Variants in CENPP observed in about 807,000 individuals in gnomAD.
CENPP encodes centromere protein P.
CENPP carries 24 observed loss-of-function variants against 35.6 expected under a neutral mutation model. The ratio of observed to expected loss-of-function variants is 0.67; its 90% CI spans 0.49 to 0.95. The LOEUF (loss-of-function observed/expected upper bound fraction) is 0.95. Among genes scored for constraint, CENPP ranks in the 40% least tolerant of loss-of-function variants. The pLI, the probability that CENPP is intolerant of heterozygous loss-of-function variation, is 0.00. For synonymous variants in CENPP, 120 were observed against 125.5 expected, an observed-to-expected ratio of 0.96 and a Z score of 0.29; for missense variants, 332 against 345.3, an observed-to-expected ratio of 0.96 and a Z score of 0.31.
chr9:92,334,732 T>G (rs963383853), intron 2 of CENPP, among the ~76,000 whole-genome samples: 2 of 150,458 alleles, frequency 1.3e-5, no homozygotes, highest in African/African-American at 4.9e-5. Flanking sequence ...ATACAACAAT[T>G]AGCTAGGCAT....
intron 5 of CENPP, among the ~76,000 whole-genome samples, chr9:92,426,130 G>A (rs191600070): frequency 3.3e-5 from 5 of 152,270 alleles, no homozygotes; most frequent in Admixed American, 2.0e-4. Context: ...GGCAAGGGAT[G>A]GGGATGGGGG....
chr9:92,553,622 C>A (rs1849661057), intron 5 of CENPP, among the ~76,000 whole-genome samples: 1 of 152,054 alleles, frequency 6.6e-6, no homozygotes, highest in Non-Finnish European at 1.5e-5. Flanking sequence ...GGTCTTTCGA[C>A]TCCTTGGTTA....
At chr9:92,484,828 T>C (rs535144005) in intron 5 of CENPP, among the ~76,000 whole-genome samples, 1 of 152,358 alleles carries the variant, frequency 6.6e-6, no homozygotes, top group East Asian at 1.9e-4. Context: ...AGGCAGTTCC[T>C]GTAAGATTGT....
At chr9:92,390,998 C>T (rs901015314) in intron 5 of CENPP, among the ~76,000 whole-genome samples, 1 of 152,156 alleles carries the variant, frequency 6.6e-6, no homozygotes, top group South Asian at 2.1e-4. Flanking sequence ...GGTGTGGTGG[C>T]TTATGCCTGT....
At chr9:92,441,938 G>T (rs530996584) in intron 5 of CENPP, among the ~76,000 whole-genome samples, 41 of 152,166 alleles carry the variant, frequency 2.7e-4, no homozygotes, top group South Asian at 8.3e-4. Context: ...TTTTGGTATG[G>T]TAATTGTATT....
At chr9:92,620,529 AG>A (rs1403600813), downstream of CENPP, 2 of 152,244 alleles carry the variant, frequency 1.3e-5, no homozygotes, top group African/African-American at 4.8e-5. Flanking sequence ...GTAAAAGAAA[AG>A]GAATTGGGCC....
intron 5 of CENPP, among the ~76,000 whole-genome samples, chr9:92,596,939 C>T (rs1850799833): frequency 6.6e-6 from 1 of 152,018 alleles, no homozygotes; most frequent in Non-Finnish European, 1.5e-5. Flanking sequence ...AAAAAGTGAG[C>T]AAATTTTTAG....
At chr9:92,578,741 T>G (rs922934910) in intron 5 of CENPP, among the ~76,000 whole-genome samples, 2 of 151,972 alleles carry the variant, frequency 1.3e-5, no homozygotes, top group African/African-American at 2.4e-5. Context: ...TTTCTCCCAT[T>G]CTGTAGGTTG....
At chr9:92,605,637 A>T (rs1851057453) in intron 5 of CENPP, among the ~76,000 whole-genome samples, 2 of 152,208 alleles carry the variant, frequency 1.3e-5, no homozygotes, top group African/African-American at 4.8e-5. Flanking sequence ...CACCATATAT[A>T]AAAATTAACT....
chr9:92,558,768 G>T (rs1359254742), intron 5 of CENPP, among the ~76,000 whole-genome samples: 1 of 152,052 alleles, frequency 6.6e-6, no homozygotes, highest in Non-Finnish European at 1.5e-5. Flanking sequence ...GTGGGGACAG[G>T]GCTAGGTGTG....
At chr9:92,513,643 G>T (rs973049932) in intron 5 of CENPP, among the ~76,000 whole-genome samples, 1 of 152,178 alleles carries the variant, frequency 6.6e-6, no homozygotes, top group Non-Finnish European at 1.5e-5. Context: ...AAAACAAAAT[G>T]GGTGGCTTTC....
chr9:92,478,190 C>A (rs1296775552), intron 5 of CENPP, among the ~76,000 whole-genome samples: 1 of 151,776 alleles, frequency 6.6e-6, no homozygotes, highest in Admixed American at 6.6e-5. Flanking sequence ...ACAGAATTTT[C>A]TTTGCTTTAT....
intron 5 of CENPP, chr9:92,470,714 A>T: frequency 6.3e-7 from 1 of 1,597,440 alleles, no homozygotes; most frequent in Non-Finnish European, 8.5e-7. Flanking sequence ...TGATTTCCTT[A>T]ATTTTATTGT....
At chr9:92,506,340 C>T (rs1847005888) in intron 5 of CENPP, among the ~76,000 whole-genome samples, 1 of 152,268 alleles carries the variant, frequency 6.6e-6, no homozygotes, top group East Asian at 1.9e-4. Context: ...AAAAATTCTC[C>T]ATGCATTCAG....
intron 4 of CENPP, among the ~76,000 whole-genome samples, chr9:92,346,006 T>A (rs1269001854): frequency 1.3e-5 from 2 of 152,152 alleles, no homozygotes; most frequent in Non-Finnish European, 2.9e-5. Flanking sequence ...GTATTAAAAT[T>A]AAAATGTGAG....
intron 5 of CENPP, among the ~76,000 whole-genome samples, chr9:92,434,909 G>T (rs1284333986): frequency 2.0e-5 from 3 of 152,018 alleles, no homozygotes; most frequent in Admixed American, 1.3e-4. Context: ...AAATTTAGTG[G>T]GGCGTGGTGG....
At position 92,332,181 on chromosome 9, in the gene CENPP, A is replaced by G; in HGVS notation, c.119A>G (p.Gln40Arg). ...EEKSRVQKSFQAIHQFNLEGW... is the reference protein window; with the variant it reads ...EEKSRVQKSFRAIHQFNLEGW... ...TATTTGCCTTTTAGAAAATCTTTTC[A>G]AGCCATACACCAATTCAATTTGGAA... Residue 40 changes from glutamine to arginine, a missense_variant, in exon 2 of 8, where the codon CAA (glutamine) becomes CGA (arginine). Transcript: ENST00000375587. 2 of 1,582,024 alleles carry G rather than the reference A, an allele frequency of 1.3e-6. No individual in the cohort carries two copies. The highest frequency in any genetic ancestry group is 2.3e-5 in the East Asian group (1 of 44,228).
chr9:92,545,017 C>A (rs569201378), intron 5 of CENPP, among the ~76,000 whole-genome samples: 1 of 152,318 alleles, frequency 6.6e-6, no homozygotes, highest in East Asian at 1.9e-4. Flanking sequence ...AGCAACCACG[C>A]CCATCTTACA....
chr9:92,489,098 GTA>G (rs1249351485), intron 5 of CENPP, among the ~76,000 whole-genome samples: 2 of 152,166 alleles, frequency 1.3e-5, no homozygotes, highest in African/African-American at 4.8e-5. Flanking sequence ...ACAAATAACA[GTA>G]TGTGACAGAC....
Sources: gnomAD v4.1 joint callset for allele counts (sites outside exome capture counted in the v4.1 genomes callset) on GRCh38, gnomAD v4.1.1 for gene constraint, MANE v1.5 for transcripts, NCBI Gene and HGNC (gene_info 2026-07-23, HGNC 2026-07-21) for gene names.